FBXW11: variants seen among roughly 807,000 people sequenced by gnomAD.
FBXW11 encodes the protein F-box/WD repeat-containing protein 11.
A neutral mutation model predicts 77.6 loss-of-function variants in FBXW11; 19 were observed. The observed-to-expected ratio is 0.24, with a 90% CI of 0.17 to 0.36. The LOEUF is 0.36. Among genes scored for constraint, FBXW11 ranks in the 10% least tolerant of loss-of-function variants. The probability of loss-of-function intolerance (pLI) is 1.00; values close to 1 mark genes in which losing one functional copy is unlikely to be tolerated. For synonymous variants in FBXW11, 235 were observed against 249.4 expected (o/e 0.94, Z 0.54); for missense variants, 334 against 704.2 (o/e 0.47, Z 5.95).
chr5:171,895,306 A>G (rs530146236), intron 6 of FBXW11, among the ~76,000 whole-genome samples: 6 of 152,342 alleles, frequency 3.9e-5, no homozygotes, highest in African/African-American at 1.2e-4. Context: ...TAAATTGGCA[A>G]TAGAGTGAAA....
chr5:172,006,587 C>A lies in FBXW11; in HGVS notation c.-85G>T. 1 of 1,402,112 alleles carries A rather than the reference C, an allele frequency of 7.1e-7. No homozygotes were observed. The allele number at this position is 1,402,112 out of a possible 1,614,324, so 86.9% of individuals were successfully genotyped here. A position where few individuals can be genotyped will look rare whatever the true frequency, so the allele number is the denominator to read the frequency against. On this transcript the variant is annotated 5_prime_UTR_variant, in exon 1 of 14. Transcript: ENST00000517395. Reference sequence around the variant, plus strand: ...GAGGCGACGGCGGAGGCGGCAGAGGCGGAGGCGGCTATCGCACCCACTCTA... The same window carrying A: ...GAGGCGACGGCGGAGGCGGCAGAGGAGGAGGCGGCTATCGCACCCACTCTA...
intron 2 of FBXW11, among the ~76,000 whole-genome samples, chr5:171,944,574 C>CAA (rs34106047): frequency 0.028 from 2,268 of 79,586 alleles, 130 homozygotes; most frequent in African/African-American, 0.067. Flanking sequence ...GACTCCATCT[C>CAA]AAAAAAAAAA....
At chr5:171,939,491 G>A (rs1762637929) in intron 2 of FBXW11, among the ~76,000 whole-genome samples, 1 of 152,020 alleles carries the variant, frequency 6.6e-6, no homozygotes, top group Admixed American at 6.6e-5. Context: ...GAGCCTAGGA[G>A]TTCAAGACCA....
chr5:171,965,507 C>T (rs111655498), intron 1 of FBXW11, among the ~76,000 whole-genome samples: 7,204 of 143,308 alleles, frequency 0.05, 532 homozygotes, highest in African/African-American at 0.18. Context: ...GCCTGGGCAA[C>T]AGAGTGAGAC....
At chr5:171,909,877 A>G (rs1313479914) in intron 4 of FBXW11, among the ~76,000 whole-genome samples, 1 of 152,168 alleles carries the variant, frequency 6.6e-6, no homozygotes, top group Non-Finnish European at 1.5e-5. Flanking sequence ...ATACAAATGA[A>G]TGCCCTAAAC....
At chr5:171,935,556 T>C (rs1581224648) in intron 2 of FBXW11, among the ~76,000 whole-genome samples, 2 of 152,154 alleles carry the variant, frequency 1.3e-5, no homozygotes, top group East Asian at 3.9e-4. Flanking sequence ...TGTTAGACTT[T>C]AAAAATAAAG....
chr5:171,985,844 G>A (rs1347485767), intron 1 of FBXW11, among the ~76,000 whole-genome samples: 3 of 152,158 alleles, frequency 2.0e-5, no homozygotes, highest in Non-Finnish European at 4.4e-5. Flanking sequence ...CTACTTGGGA[G>A]GCTAAGGCAG....
At chr5:171,991,476 C>A (rs1765735704) in intron 1 of FBXW11, among the ~76,000 whole-genome samples, 2 of 152,248 alleles carry the variant, frequency 1.3e-5, no homozygotes, top group South Asian at 4.1e-4. Flanking sequence ...GTATTTAGGC[C>A]TCACGTTGTG....
intron 1 of FBXW11, among the ~76,000 whole-genome samples, chr5:171,984,797 T>C (rs146553475): frequency 3.0e-4 from 46 of 152,312 alleles, no homozygotes; most frequent in African/African-American, 9.1e-4. Flanking sequence ...ACTATAAATA[T>C]TTACTTTATG....
intron 7 of FBXW11, among the ~76,000 whole-genome samples, chr5:171,885,593 T>C (rs887313965): frequency 2.6e-5 from 4 of 152,320 alleles, no homozygotes; most frequent in African/African-American, 7.2e-5. Context: ...TCAGGACAAG[T>C]AGCAACTTCT....
At chr5:171,947,713 A>G (rs1763084719) in intron 2 of FBXW11, among the ~76,000 whole-genome samples, 1 of 152,154 alleles carries the variant, frequency 6.6e-6, no homozygotes, top group Admixed American at 6.6e-5. Context: ...GTTATTAAAA[A>G]TGTACCAGCC....
intron 8 of FBXW11, 88 bp downstream of exon 8, chr5:171,877,923 G>C (rs771810708): frequency 4.3e-6 from 4 of 931,298 alleles, no homozygotes; most frequent in Non-Finnish European, 6.8e-6. Context: ...ATGTAAGTTT[G>C]TGTATGCCTC....
intron 7 of FBXW11, among the ~76,000 whole-genome samples, chr5:171,882,575 G>GA (rs1758591844): frequency 6.6e-6 from 1 of 152,166 alleles, no homozygotes; most frequent in South Asian, 2.1e-4. Flanking sequence ...AAAGTGTAGG[G>GA]ATTACAGACG....
chr5:171,890,755 GAA>G (rs1759294126), intron 7 of FBXW11, among the ~76,000 whole-genome samples: 1 of 152,156 alleles, frequency 6.6e-6, no homozygotes, highest in Admixed American at 6.6e-5. Context: ...GTAAGCACAG[GAA>G]AGAGGCAGAA....
intron 1 of FBXW11, among the ~76,000 whole-genome samples, chr5:171,965,453 G>T (rs144799808): frequency 4.6e-5 from 7 of 151,768 alleles, no homozygotes; most frequent in Non-Finnish European, 8.8e-5. Context: ...TTGAACCCAG[G>T]AGGCAGAGGT....
intron 3 of FBXW11, among the ~76,000 whole-genome samples, chr5:171,911,935 T>C (rs1160818109): frequency 2.6e-5 from 4 of 152,220 alleles, no homozygotes. Flanking sequence ...TTGACCACTA[T>C]TCTGACAGCC....
intron 1 of FBXW11, among the ~76,000 whole-genome samples, chr5:171,966,141 T>C (rs1008172299): frequency 6.6e-6 from 1 of 152,208 alleles, no homozygotes; most frequent in South Asian, 2.1e-4. Flanking sequence ...CAGTCTCAGA[T>C]AGTTCTTTAC....
intron 1 of FBXW11, among the ~76,000 whole-genome samples, chr5:171,959,471 T>A (rs1763783241): frequency 6.6e-6 from 1 of 152,224 alleles, no homozygotes; most frequent in South Asian, 2.1e-4. Context: ...GAAAGAGATA[T>A]CAAGCAGAGT....
intron 12 of FBXW11, 21 bp from the exon 13 acceptor site, chr5:171,868,817 T>C (rs374981947): frequency 3.8e-5 from 61 of 1,601,658 alleles, no homozygotes; most frequent in Non-Finnish European, 4.9e-5. Context: ...CAAAACTTCA[T>C]GAATAAAATG....
Sources: allele counts gnomAD v4.1 joint callset (sites outside exome capture counted in the v4.1 genomes callset), GRCh38; gene constraint gnomAD v4.1.1; transcripts MANE v1.5; gene names NCBI Gene and HGNC (gene_info 2026-07-23, HGNC 2026-07-21).